SEC31A: variants seen among roughly 807,000 people sequenced by gnomAD.
SEC31A encodes the protein SEC31 homolog A, COPII component, also known as protein transport protein Sec31A.
A neutral mutation model predicts 151.0 loss-of-function variants in SEC31A; 70 were observed. The observed-to-expected ratio is 0.46, with a 90% CI of 0.38 to 0.57. The LOEUF (loss-of-function observed/expected upper bound fraction) is 0.57, where lower values mean the gene tolerates loss of function less well. Among genes scored for constraint, SEC31A ranks in the 20% least tolerant of loss-of-function variants. The pLI, the probability that SEC31A is intolerant of heterozygous loss-of-function variation, is 0.00. For missense variants in SEC31A, 1,330 were observed against 1,471.2 expected (o/e 0.90, Z 1.57); for synonymous variants, 475 against 505.9 (o/e 0.94, Z 0.82).
At chr4:82,831,587 C>T (rs1486689658) in intron 22 of SEC31A, among the ~76,000 whole-genome samples, 1 of 152,224 alleles carries the variant, frequency 6.6e-6, no homozygotes, top group African/African-American at 2.4e-5. Flanking sequence ...GTCCTACAGA[C>T]TTCAACCTGC....
At position 82,857,730 on chromosome 4, in the gene SEC31A, A is replaced by G. The variant is rs1347344375; in HGVS notation, c.1661T>C (p.Leu554Pro). 2 of 1,604,002 alleles carry G rather than the reference A, an allele frequency of 1.2e-6. No homozygotes were observed. The highest frequency in any genetic ancestry group is 1.7e-6 in the Non-Finnish European group (2 of 1,171,304). ...ATTAAATGTTCCTCCAGATGAGGGTAGAAATTCAGATTCTTCTTTTTCCTC... is the reference window on the plus strand; with the variant it reads ...ATTAAATGTTCCTCCAGATGAGGGTGGAAATTCAGATTCTTCTTTTTCCTC... The part of the protein sequence containing the change: ...IKEEKEESEF[L>P]PSSGGTFNIS... The change falls in exon 15 of 27, where the codon CTA becomes CCA. Residue 554 changes from leucine to proline, a missense_variant. Physicochemically the swap from Leu to Pro is moderately conservative, Grantham distance 98. Transcript: ENST00000395310.
Position 82,842,425 on chromosome 4 carries a change from G to A in SEC31A, c.2683C>T (p.Pro895Ser), listed in dbSNP as rs1031788461. 1.2e-6 allele frequency: 2 copies of A among 1,613,988 alleles called. No individual in the cohort carries two copies. The highest frequency in any genetic ancestry group is 2.7e-5 in the African/African-American group (2 of 75,038). Residue 895 changes from proline (P) to serine (S), a missense_variant, in exon 22 of 27, where the codon CCT becomes TCT. Physicochemically the swap from Pro to Ser is moderately conservative, Grantham distance 74. Transcript: ENST00000395310. Reference protein sequence around the residue: ...FGTGGSAMYRPQQPVAPPTSN... With the variant: ...FGTGGSAMYRSQQPVAPPTSN... ...GTAGGAGGAGCAACAGGCTGCTGAG[G>A]TCGATACATTGCTGACCCCCCTGTT...
intron 1 of SEC31A, among the ~76,000 whole-genome samples, chr4:82,889,237 T>C (rs959550436): frequency 6.6e-6 from 1 of 152,278 alleles, no homozygotes; most frequent in Admixed American, 6.5e-5. Flanking sequence ...CTAACAACAA[T>C]GTAATCAATG....
intron 22 of SEC31A, among the ~76,000 whole-genome samples, chr4:82,837,631 G>A (rs1045139186): frequency 3.3e-5 from 5 of 152,238 alleles, no homozygotes; most frequent in South Asian, 2.1e-4. Context: ...GCACTCTGCT[G>A]TGCCCGCCCC....
intron 1 of SEC31A, 32 bp downstream of exon 1, chr4:82,891,056 C>G (rs1280887904): frequency 1.3e-6 from 2 of 1,535,714 alleles, no homozygotes; most frequent in Admixed American, 2.0e-5. Context: ...TAAGGACCGG[C>G]GAAGAGGACA....
chr4:82,878,518 CA>C (rs1371978404), intron 4 of SEC31A, among the ~76,000 whole-genome samples: 2 of 151,978 alleles, frequency 1.3e-5, no homozygotes, highest in Non-Finnish European at 2.9e-5. Context: ...AAAACAAAAA[CA>C]AAAACCTATC....
intron 3 of SEC31A, 60 bp from the exon 4 acceptor site, chr4:82,878,988 A>T: frequency 7.7e-7 from 1 of 1,304,814 alleles, no homozygotes; most frequent in Non-Finnish European, 1.1e-6. Flanking sequence ...TAGACAAAAA[A>T]TTGAAATTAT....
At chr4:82,874,261 G>A (rs778334459) in intron 6 of SEC31A, among the ~76,000 whole-genome samples, 15 of 150,440 alleles carry the variant, frequency 1.0e-4, no homozygotes, top group Non-Finnish European at 1.8e-4. Flanking sequence ...TCACGCCACT[G>A]TACTCCAGCC....
chr4:82,861,694 A>G lies in SEC31A; in HGVS notation c.1563T>C (p.Ser521=). 6.2e-7 allele frequency: 1 copy of G among 1,607,982 alleles called. No individual in the cohort carries two copies. Among genetic ancestry groups the G allele is most frequent in the Non-Finnish European group, 8.5e-7 (1 of 1,175,538 alleles). The change falls in exon 14 of 27, where the codon TCT becomes TCC. Residue 521 remains serine (S), a synonymous_variant. Transcript: ENST00000395310. ...VDGANVALKD[S]DQVAQSDGEE... ...CCCCATCACTCTGTGCTACTTGGTCAGAGTCTTTAAGAGCCTTTGGTACAC... is the reference window on the plus strand; with the variant it reads ...CCCCATCACTCTGTGCTACTTGGTCGGAGTCTTTAAGAGCCTTTGGTACAC...
intron 16 of SEC31A, among the ~76,000 whole-genome samples, chr4:82,856,441 G>A (rs12504685): frequency 0.46 from 69,665 of 151,206 alleles, 18,610 homozygotes; most frequent in Admixed American, 0.6. Context: ...GAGCCACTGC[G>A]CCCAGCCGCA....
chr4:82,867,061 C>A, intron 9 of SEC31A, 94 bp downstream of exon 9: 2 of 1,542,582 alleles, frequency 1.3e-6, no homozygotes, highest in Non-Finnish European at 8.8e-7. Flanking sequence ...GTCCAATTAA[C>A]CAGCATTGTT....
chr4:82,871,278 T>G (rs745344797), intron 7 of SEC31A: 25 of 1,378,710 alleles, frequency 1.8e-5, no homozygotes, highest in Non-Finnish European at 2.3e-5. Context: ...ATTATCCTAT[T>G]TGTATAAAAA....
At chr4:82,831,004 C>G in intron 22 of SEC31A, 1 of 1,078,002 alleles carries the variant, frequency 9.3e-7, no homozygotes. Flanking sequence ...AATTACTTAA[C>G]AGTGTTTACT....
chr4:82,860,191 C>T (rs1733778617), intron 14 of SEC31A, among the ~76,000 whole-genome samples: 1 of 152,054 alleles, frequency 6.6e-6, no homozygotes, highest in Non-Finnish European at 1.5e-5. Context: ...TCAAAAAATG[C>T]ACAATTTATT....
chr4:82,828,413 T>G (rs1313633444), intron 23 of SEC31A, among the ~76,000 whole-genome samples: 1 of 152,150 alleles, frequency 6.6e-6, no homozygotes, highest in Non-Finnish European at 1.5e-5. Context: ...CTTTCCTTAT[T>G]TAATGCCTCC....
At chr4:82,837,892 C>T (rs559844462) in intron 22 of SEC31A, among the ~76,000 whole-genome samples, 3 of 152,250 alleles carry the variant, frequency 2.0e-5, no homozygotes, top group South Asian at 4.1e-4. Context: ...TTTCAGTGGA[C>T]TCAGGGAAAA....
chr4:82,881,971 T>C (rs913663329), intron 1 of SEC31A, 31 bp from the exon 2 acceptor site: 1 of 1,455,358 alleles, frequency 6.9e-7, no homozygotes, highest in African/African-American at 1.4e-5. Context: ...AGAAACAGCC[T>C]TGAATGACTT....
chr4:82,895,305 T>C (rs1184367859), upstream of SEC31A: 1 of 151,814 alleles, frequency 6.6e-6, no homozygotes, highest in Non-Finnish European at 1.5e-5. Flanking sequence ...ACATGGTCTC[T>C]ACTTAATAAA....
chr4:82,886,926 C>G (rs1475219934), intron 1 of SEC31A, among the ~76,000 whole-genome samples: 1 of 152,054 alleles, frequency 6.6e-6, no homozygotes, highest in Non-Finnish European at 1.5e-5. Context: ...AACTTTTACC[C>G]CTTTTTAGAC....
Sources: gnomAD v4.1 joint callset for allele counts (sites outside exome capture counted in the v4.1 genomes callset) on GRCh38, gnomAD v4.1.1 for gene constraint, MANE v1.5 for transcripts, NCBI Gene and HGNC (gene_info 2026-07-23, HGNC 2026-07-21) for gene names.